The following NPAS3 variants were observed in gnomAD, a reference collection of about 807,000 sequenced individuals.
The protein encoded by NPAS3 is neuronal PAS domain-containing protein 3.
Under a neutral mutation model 73.1 loss-of-function variants are expected in NPAS3, and 14 were observed. The ratio of observed to expected loss-of-function variants is 0.19; its 90% CI spans 0.13 to 0.30. NPAS3 has a LOEUF of 0.30. Among genes scored for constraint, NPAS3 ranks in the 10% least tolerant of loss-of-function variants. The probability of loss-of-function intolerance (pLI) is 1.00; values close to 1 mark genes in which losing one functional copy is unlikely to be tolerated. For synonymous variants in NPAS3, 620 were observed against 541.5 expected (o/e 1.14, Z -2.01); for missense variants, 1,096 against 1,250.0 (o/e 0.88, Z 1.86).
intron 2 of NPAS3, among the ~76,000 whole-genome samples, chr14:33,132,459 A>G (rs996731843): frequency 6.6e-6 from 1 of 152,138 alleles, no homozygotes; most frequent in African/African-American, 2.4e-5. Context: ...TCACTTAATG[A>G]GAAAATAATG....
At chr14:33,559,848 G>A (rs552487272) in intron 4 of NPAS3, among the ~76,000 whole-genome samples, 1 of 152,088 alleles carries the variant, frequency 6.6e-6, no homozygotes, top group African/African-American at 2.4e-5. Context: ...CTGAAACCCT[G>A]TCTCTACTAA....
At chr14:32,998,449 T>C (rs2038674945) in intron 1 of NPAS3, among the ~76,000 whole-genome samples, 1 of 152,190 alleles carries the variant, frequency 6.6e-6, no homozygotes, top group Admixed American at 6.5e-5. Context: ...TGGAATTAGA[T>C]AGAGGTAGTG....
chr14:33,046,382 T>C (rs1386335332), intron 1 of NPAS3, among the ~76,000 whole-genome samples: 2 of 152,122 alleles, frequency 1.3e-5, no homozygotes, highest in East Asian at 3.9e-4. Flanking sequence ...AAACTTGCAT[T>C]TAGAAAGCCC....
chr14:33,691,131 A>G (rs1025014540), intron 6 of NPAS3, among the ~76,000 whole-genome samples: 9 of 152,244 alleles, frequency 5.9e-5, no homozygotes, highest in Non-Finnish European at 1.2e-4. Context: ...ACAGTTGTCA[A>G]TCTGGGTGAA....
chr14:33,430,139 G>A (rs1310755544), intron 4 of NPAS3, among the ~76,000 whole-genome samples: 2 of 152,120 alleles, frequency 1.3e-5, no homozygotes, highest in African/African-American at 4.8e-5. Flanking sequence ...AAAATAAAAG[G>A]TGCTTGTTGT....
At chr14:33,456,664 C>A (rs780590242) in intron 4 of NPAS3, among the ~76,000 whole-genome samples, 2 of 152,042 alleles carry the variant, frequency 1.3e-5, no homozygotes, top group Non-Finnish European at 2.9e-5. Flanking sequence ...AGCCTGAGAC[C>A]GCACTGTTTT....
intron 4 of NPAS3, among the ~76,000 whole-genome samples, chr14:33,396,715 A>G (rs1406590778): frequency 6.6e-6 from 1 of 152,120 alleles, no homozygotes. Flanking sequence ...GTTGCTTAGG[A>G]TACAGTTGAA....
At chr14:33,745,182 G>A (rs778058073) in intron 7 of NPAS3, among the ~76,000 whole-genome samples, 6 of 152,182 alleles carry the variant, frequency 3.9e-5, no homozygotes, top group East Asian at 3.9e-4. Context: ...CCAGGAGTTC[G>A]AGGCTGCAGT....
intron 3 of NPAS3, among the ~76,000 whole-genome samples, chr14:33,246,788 G>T (rs1445156767): frequency 7.5e-6 from 1 of 132,768 alleles, no homozygotes; most frequent in Non-Finnish European, 1.5e-5. Flanking sequence ...AGGATCAGGA[G>T]TTCGAGACCA....
intron 2 of NPAS3, among the ~76,000 whole-genome samples, chr14:33,098,034 A>G (rs559113276): frequency 7.9e-5 from 12 of 152,224 alleles, no homozygotes; most frequent in Non-Finnish European, 1.8e-4. Flanking sequence ...ATATTTTCCT[A>G]TTTAGAAATT....
chr14:33,775,718 T>G (rs890786199), intron 8 of NPAS3, among the ~76,000 whole-genome samples: 15 of 152,328 alleles, frequency 9.8e-5, no homozygotes, highest in South Asian at 4.1e-4. Flanking sequence ...TTGTTGGCAT[T>G]TATTAAAATG....
chr14:33,237,870 T>A (rs547757696), intron 3 of NPAS3, among the ~76,000 whole-genome samples: 1 of 151,820 alleles, frequency 6.6e-6, no homozygotes, highest in African/African-American at 2.4e-5. Flanking sequence ...TTGCATATGC[T>A]ATAATTATAA....
intron 3 of NPAS3, among the ~76,000 whole-genome samples, chr14:33,340,235 C>A (rs1185310862): frequency 6.6e-6 from 1 of 152,202 alleles, no homozygotes; most frequent in African/African-American, 2.4e-5. Flanking sequence ...TGGCTCATGC[C>A]TGTAATCCCA....
At chr14:33,749,965 A>G (rs958739412) in intron 7 of NPAS3, among the ~76,000 whole-genome samples, 1 of 152,184 alleles carries the variant, frequency 6.6e-6, no homozygotes, top group African/African-American at 2.4e-5. Context: ...TTGGCCCCCA[A>G]AGAATCTTTT....
chr14:33,771,736 G>A (rs1273903128), intron 7 of NPAS3, among the ~76,000 whole-genome samples: 1 of 152,084 alleles, frequency 6.6e-6, no homozygotes, highest in African/African-American at 2.4e-5. Context: ...GCGTGAACCT[G>A]GGACGCAGAG....
intron 7 of NPAS3, among the ~76,000 whole-genome samples, chr14:33,771,196 G>A (rs1215668171): frequency 6.6e-6 from 1 of 152,038 alleles, no homozygotes; most frequent in East Asian, 1.9e-4. Context: ...CCTGTCACCT[G>A]AGGAAAAAAA....
chr14:33,075,772 T>C (rs576928970), intron 2 of NPAS3, among the ~76,000 whole-genome samples: 1 of 152,246 alleles, frequency 6.6e-6, no homozygotes, highest in South Asian at 2.1e-4. Context: ...AATGTTAAAA[T>C]TTAGGAAATC....
intron 3 of NPAS3, among the ~76,000 whole-genome samples, chr14:33,226,274 T>C (rs990841431): frequency 1.4e-4 from 21 of 152,190 alleles, no homozygotes; most frequent in Middle Eastern, 3.2e-3. Context: ...TGTTTGGTCA[T>C]TTTGACGTGG....
At chr14:33,439,332 T>C (rs2049131873) in intron 4 of NPAS3, among the ~76,000 whole-genome samples, 1 of 152,218 alleles carries the variant, frequency 6.6e-6, no homozygotes, top group African/African-American at 2.4e-5. Context: ...AATATGTAGT[T>C]TGTCTAGATA....
Sources: allele counts gnomAD v4.1 joint callset (sites outside exome capture counted in the v4.1 genomes callset), GRCh38; gene constraint gnomAD v4.1.1; transcripts MANE v1.5; gene names NCBI Gene and HGNC (gene_info 2026-07-23, HGNC 2026-07-21).